RNF10: variants seen among roughly 807,000 people sequenced by gnomAD.
RNF10 encodes the protein ring finger protein 10.
In RNF10, 38 loss-of-function variants were observed where a neutral mutation model predicts 91.4. The observed-to-expected ratio is 0.42, with a 90% CI of 0.32 to 0.54. RNF10 has a LOEUF of 0.54. Among genes scored for constraint, RNF10 ranks in the 20% least tolerant of loss-of-function variants. The pLI is 0.16. For missense variants in RNF10, 945 were observed against 1,012.0 expected (o/e 0.93, Z 0.90); for synonymous variants, 364 against 366.3 (o/e 0.99, Z 0.07).
At chr12:120,554,471 T>TG (rs1045120392) in intron 3 of RNF10, 2 of 431,406 alleles carry the variant, frequency 4.6e-6, no homozygotes, top group African/African-American at 4.1e-5. Context: ...GGGATGCCTT[T>TG]GGGGAATTTG....
At chr12:120,559,191 T>G (rs1254030713) in intron 6 of RNF10, among the ~76,000 whole-genome samples, 1 of 74,528 alleles carries the variant, frequency 1.3e-5, no homozygotes, top group Non-Finnish European at 3.6e-5. Context: ...TTTTTTTTTT[T>G]TTTTTTTTGA....
At position 120,576,617 on chromosome 12, in the gene RNF10, A is replaced by G; in HGVS notation, c.2387A>G (p.Lys796Arg). ...GAGAAAGGAGGAAAGAAAAGAAAAA[A>G]ACAGAAACAGAAGCTCCTGTTCAGC... ...SEEKGGKKRK[K>R]QKQKLLFSTS... The change falls in exon 17 of 17, where the codon AAA (lysine) becomes AGA (arginine). Residue 796 changes from lysine (K) to arginine (R), a missense_variant. Coordinates refer to ENST00000325954, the MANE Select transcript of RNF10 (RefSeq NM_014868.5). 3 of 1,613,974 alleles carry G rather than the reference A, an allele frequency of 1.9e-6. No homozygotes were observed. Among genetic ancestry groups the G allele is most frequent in the East Asian group, 4.5e-5 (2 of 44,878 alleles).
At chr12:120,548,817 C>T (rs1457504421) in intron 2 of RNF10, among the ~76,000 whole-genome samples, 1 of 151,856 alleles carries the variant, frequency 6.6e-6, no homozygotes, top group Non-Finnish European at 1.5e-5. Flanking sequence ...ACTATTAGCC[C>T]ACCACCACGC....
Position 120,545,504 on chromosome 12 carries a change from G to A in RNF10, c.158-901G>A, listed in dbSNP as rs889243885. Among the ~76,000 whole-genome samples, 2 of 151,096 alleles carry A rather than the reference G, an allele frequency of 1.3e-5. 1 individual carries two copies. Among genetic ancestry groups the A allele is most frequent in the Non-Finnish European group, 3.0e-5 (2 of 67,792 alleles). On this transcript the variant is annotated intron_variant, in intron 1 of 16. Coordinates refer to ENST00000325954, the MANE Select transcript of RNF10 (RefSeq NM_014868.5). ...ACCGCGCCTGGCCATTTTTAAAAAGGATATGACTCAATCTGATCCAATATG... is the reference window on the plus strand; with the variant it reads ...ACCGCGCCTGGCCATTTTTAAAAAGAATATGACTCAATCTGATCCAATATG...
In RNF10 at chr12:120,557,572, A is replaced by T. The variant is rs1874231651; in HGVS notation, c.857A>T (p.Tyr286Phe). The T allele has an allele frequency of 1.2e-6, 2 of 1,614,096 alleles. No homozygotes were observed. Among genetic ancestry groups the T allele is most frequent in the Admixed American group, 3.3e-5 (2 of 59,998 alleles). Reference sequence around the variant, plus strand: ...GTTGTTGCCACAGAGTCACATCAGTATGTTGTTGGTGATACCATTACGATG... The same window carrying T: ...GTTGTTGCCACAGAGTCACATCAGTTTGTTGTTGGTGATACCATTACGATG... ...KSVVATESHQYVVGDTITMQL... is the reference protein window; with the variant it reads ...KSVVATESHQFVVGDTITMQL... The change falls in exon 6 of 17, where the codon TAT becomes TTT. Residue 286 changes from tyrosine to phenylalanine, a missense_variant. Coordinates refer to ENST00000325954, the MANE Select transcript of RNF10 (RefSeq NM_014868.5).
intron 3 of RNF10, 141 bp downstream of exon 3, chr12:120,552,839 G>A: frequency 1.4e-6 from 1 of 714,030 alleles, no homozygotes; most frequent in Non-Finnish European, 2.3e-6. Flanking sequence ...GTTCACCACT[G>A]CCCCGCCCTT....
intron 2 of RNF10, 99 bp downstream of exon 2, chr12:120,546,700 G>A (rs1350998581): frequency 6.6e-6 from 7 of 1,055,388 alleles, no homozygotes; most frequent in Non-Finnish European, 9.5e-6. Context: ...GGAACAAGAG[G>A]TAGAGGAATA....
intron 2 of RNF10, among the ~76,000 whole-genome samples, chr12:120,551,380 T>A (rs1184538): frequency 1.4e-5 from 2 of 144,896 alleles, no homozygotes; most frequent in Non-Finnish European, 3.0e-5. Context: ...CTGCAACCTC[T>A]GCCTCTCGGG....
intron 14 of RNF10, among the ~76,000 whole-genome samples, chr12:120,573,572 C>G (rs547703599): frequency 6.7e-6 from 1 of 150,358 alleles, no homozygotes; most frequent in African/African-American, 2.5e-5. Flanking sequence ...TTACCCGACG[C>G]CGAGTCATTT....
At chr12:120,550,100 C>CCAGTTTAATATATTAAA (rs1411487024) in intron 2 of RNF10, among the ~76,000 whole-genome samples, 1 of 152,146 alleles carries the variant, frequency 6.6e-6, no homozygotes, top group Non-Finnish European at 1.5e-5. Flanking sequence ...AGTAAAAAGT[C>CCAGTTTAATATATTAAA]CATTTTAATA....
chr12:120,553,355 T>A (rs1873449420), intron 3 of RNF10, among the ~76,000 whole-genome samples: 1 of 150,740 alleles, frequency 6.6e-6, no homozygotes, highest in Admixed American at 6.6e-5. Context: ...CCCAAAGTGC[T>A]GGGATTACAA....
At chr12:120,539,268 G>T (rs557930333) in intron 1 of RNF10, 2 of 512,892 alleles carry the variant, frequency 3.9e-6, no homozygotes, top group Non-Finnish European at 6.9e-6. Flanking sequence ...AGTCCTAGGC[G>T]GTATTTTTCA....
At chr12:120,536,942 T>C (rs1397613388) in intron 1 of RNF10, among the ~76,000 whole-genome samples, 1 of 152,242 alleles carries the variant, frequency 6.6e-6, no homozygotes, top group Admixed American at 6.5e-5. Context: ...ATTTTACTGC[T>C]ATGTCCTTCA....
At chr12:120,548,871 C>T (rs1024326493) in intron 2 of RNF10, among the ~76,000 whole-genome samples, 3 of 151,858 alleles carry the variant, frequency 2.0e-5, no homozygotes, top group Non-Finnish European at 2.9e-5. Context: ...GGGGTTTCAC[C>T]GTGTTAGCCA....
rs1408692482 is a variant in RNF10, at chr12:120,550,583, G to GT, written c.355-1909dup. Reference sequence around the variant, plus strand: ...GCAAACAGAATGTGGAGAATGTGGCGTTTTTTTGTTTTTTGTTTGCTTTTT... The same window carrying GT: ...GCAAACAGAATGTGGAGAATGTGGCGTTTTTTTTGTTTTTTGTTTGCTTTTT... On this transcript the variant is annotated intron_variant, in intron 2 of 16. Transcript: ENST00000325954. Among the ~76,000 whole-genome samples the GT allele has an allele frequency of 9.2e-5, 14 of 151,558 alleles. No homozygotes were observed. In the East Asian group the frequency reaches 1.2e-3, roughly 13 times the overall value.
chr12:120,558,571 A>ATG (rs1050008279), intron 6 of RNF10, among the ~76,000 whole-genome samples: 15 of 147,812 alleles, frequency 1.0e-4, no homozygotes, highest in Non-Finnish European at 1.5e-4. Flanking sequence ...TAATATGTAT[A>ATG]TATATATTTT....
intron 13 of RNF10, among the ~76,000 whole-genome samples, chr12:120,570,747 A>G (rs1262030134): frequency 6.6e-6 from 1 of 152,160 alleles, no homozygotes; most frequent in African/African-American, 2.4e-5. Flanking sequence ...CTTGGATTCT[A>G]ATTGGATACT....
At position 120,557,609 on chromosome 12, in the gene RNF10, G is replaced by A. The variant is rs779934312; in HGVS notation, c.894G>A (p.Lys298=). The A allele has an allele frequency of 5.6e-6, 9 of 1,614,212 alleles. No homozygotes were observed. Among genetic ancestry groups the A allele is most frequent in the Middle Eastern group, 1.6e-4 (1 of 6,062 alleles). ...VGDTITMQLM[K]REKGVLVALP... is the part of the protein sequence containing the mutation. The stretch of plus-strand genomic sequence containing the variant: ...ATACCATTACGATGCAGCTGATGAA[G>A]AGGGAGAAAGGGGTGTTGGTGGCTT... The change falls in exon 6 of 17, where the codon AAG becomes AAA. Residue 298 remains lysine, a synonymous_variant. Coordinates refer to ENST00000325954, the MANE Select transcript of RNF10 (RefSeq NM_014868.5).
chr12:120,539,198 A>G (rs1232455591), intron 1 of RNF10, among the ~76,000 whole-genome samples: 2 of 152,212 alleles, frequency 1.3e-5, no homozygotes, highest in African/African-American at 4.8e-5. Context: ...CCTGTTTCAC[A>G]GAAAAGAAAA....
Sources: gnomAD v4.1 joint callset for allele counts (sites outside exome capture counted in the v4.1 genomes callset) on GRCh38, gnomAD v4.1.1 for gene constraint, MANE v1.5 for transcripts, NCBI Gene and HGNC (gene_info 2026-07-23, HGNC 2026-07-21) for gene names.